Variants in CDH19 observed in about 807,000 individuals in gnomAD.
CDH19 encodes cadherin 19, also known as cadherin-19.
CDH19 carries 67 observed loss-of-function variants against 64.2 expected under a neutral mutation model. The ratio of observed to expected loss-of-function variants is 1.04; its 90% CI spans 0.86 to 1.28. CDH19 has a LOEUF of 1.28. Among genes scored for constraint, CDH19 ranks in the 50% most tolerant of loss-of-function variants. CDH19 has a pLI of 0.00. For missense variants in CDH19, 1,030 were observed against 929.0 expected (o/e 1.11, Z -1.41); for synonymous variants, 346 against 319.3 (o/e 1.08, Z -0.89).
At chr18:66,575,810 T>C (rs556751135) in intron 1 of CDH19, among the ~76,000 whole-genome samples, 2 of 151,890 alleles carry the variant, frequency 1.3e-5, no homozygotes, top group African/African-American at 4.8e-5. Flanking sequence ...TAGAAAGACC[T>C]TCTTTAAATT....
chr18:66,534,031 G>GA (rs1297453421), intron 8 of CDH19, among the ~76,000 whole-genome samples: 3 of 148,892 alleles, frequency 2.0e-5, no homozygotes, highest in South Asian at 2.1e-4. Context: ...GTTAGAGAAA[G>GA]AAAAAAAATG....
Position 66,572,349 on chromosome 18 carries a change from T to C in CDH19, c.-112-33A>G, listed in dbSNP as rs1988134482. The C allele has an allele frequency of 1.4e-5, 7 of 505,174 alleles. No individual in the cohort carries two copies. In the South Asian group the frequency reaches 3.3e-4, roughly 24 times the overall value. 31.3% of individuals were successfully genotyped at this position (505,174 alleles called of 1,614,324 possible). A position where few individuals can be genotyped will look rare whatever the true frequency, so the allele number is the denominator to read the frequency against. ...GTCAGAAACAAAACAAAATTTGACATTTTAAAATAACATTTTCTCACATAA... is the reference window on the plus strand; with the variant it reads ...GTCAGAAACAAAACAAAATTTGACACTTTAAAATAACATTTTCTCACATAA... On this transcript the variant is annotated intron_variant, in intron 1 of 11. Transcript: ENST00000262150.
At chr18:66,562,478 C>T (rs572941092) in intron 3 of CDH19, among the ~76,000 whole-genome samples, 10 of 151,900 alleles carry the variant, frequency 6.6e-5, no homozygotes, top group South Asian at 2.1e-4. Context: ...CCATGAGGAG[C>T]GGCTGTAAAT....
intron 7 of CDH19, among the ~76,000 whole-genome samples, chr18:66,540,595 T>G (rs1427601154): frequency 6.6e-6 from 1 of 152,140 alleles, no homozygotes; most frequent in Non-Finnish European, 1.5e-5. Context: ...ACTGTTGACT[T>G]CTGTGTCCTT....
chr18:66,584,795 A>T (rs548766559), intron 1 of CDH19, among the ~76,000 whole-genome samples: 1 of 152,228 alleles, frequency 6.6e-6, no homozygotes, highest in African/African-American at 2.4e-5. Flanking sequence ...AACCTGTACA[A>T]TATTTTCATG....
chr18:66,556,795 C>T (rs1453166784), intron 3 of CDH19, among the ~76,000 whole-genome samples: 1 of 151,736 alleles, frequency 6.6e-6, no homozygotes, highest in Non-Finnish European at 1.5e-5. Flanking sequence ...AAATAAATGG[C>T]CAATGGTTAT....
Position 66,504,714 on chromosome 18 carries a change from G to T in CDH19, c.*98C>A. On this transcript the variant is annotated 3_prime_UTR_variant, in exon 12 of 12. Coordinates refer to ENST00000262150, the MANE Select transcript of CDH19 (RefSeq NM_021153.4). ...AAATCAGAAAACTCCATAGACTAGG[G>T]CTTTCCCCGCCATAGAGCCAGGGCA... The T allele has an allele frequency of 7.8e-7, 1 of 1,284,334 alleles. No individual in the cohort carries two copies. Among genetic ancestry groups the T allele is most frequent in the South Asian group, 1.5e-5 (1 of 65,320 alleles). 79.6% of individuals were successfully genotyped at this position (1,284,334 alleles called of 1,614,324 possible). A position where few individuals can be genotyped will look rare whatever the true frequency, so the allele number is the denominator to read the frequency against.
chr18:66,599,233 T>C (rs1217247978), intron 1 of CDH19, among the ~76,000 whole-genome samples: 1 of 152,080 alleles, frequency 6.6e-6, no homozygotes, highest in African/African-American at 2.4e-5. Context: ...TATTATTGCA[T>C]ATTTTGGGGA....
intron 5 of CDH19, among the ~76,000 whole-genome samples, chr18:66,545,327 C>G (rs1987069373): frequency 6.6e-6 from 1 of 151,934 alleles, no homozygotes; most frequent in African/African-American, 2.4e-5. Context: ...CCGTATCTAC[C>G]TTTCCCAGTT....
chr18:66,594,234 C>A (rs574049779), intron 1 of CDH19, among the ~76,000 whole-genome samples: 1 of 152,138 alleles, frequency 6.6e-6, no homozygotes, highest in Admixed American at 6.5e-5. Context: ...TATATATGCA[C>A]CCAACACTGG....
intron 1 of CDH19, among the ~76,000 whole-genome samples, chr18:66,576,874 G>A (rs527851039): frequency 4.6e-5 from 7 of 151,658 alleles, no homozygotes; most frequent in Middle Eastern, 3.4e-3. Context: ...CAGGGTTGGA[G>A]GATACACGGT....
chr18:66,569,754 A>G (rs974463154), intron 2 of CDH19, among the ~76,000 whole-genome samples: 7 of 151,680 alleles, frequency 4.6e-5, no homozygotes, highest in Admixed American at 2.0e-4. Context: ...AATCATTGTG[A>G]ATCCACATTT....
intron 1 of CDH19, among the ~76,000 whole-genome samples, chr18:66,601,398 C>G (rs935144742): frequency 6.6e-4 from 100 of 151,918 alleles, no homozygotes; most frequent in African/African-American, 2.1e-3. Context: ...AAAATTATCC[C>G]CACTTTAATA....
chr18:66,590,507 T>G (rs1988711670), intron 1 of CDH19, among the ~76,000 whole-genome samples: 1 of 144,622 alleles, frequency 6.9e-6, no homozygotes, highest in South Asian at 2.2e-4. Flanking sequence ...GAAGCCATTT[T>G]CTGGAATACG....
At chr18:66,591,374 C>T (rs980978428) in intron 1 of CDH19, among the ~76,000 whole-genome samples, 1 of 151,850 alleles carries the variant, frequency 6.6e-6, no homozygotes, top group Non-Finnish European at 1.5e-5. Context: ...ATCAAAGGAG[C>T]AGCTCTCAAT....
At chr18:66,518,881 C>T (rs1178602759) in intron 9 of CDH19, among the ~76,000 whole-genome samples, 2 of 151,652 alleles carry the variant, frequency 1.3e-5, no homozygotes, top group Admixed American at 1.3e-4. Context: ...TTTTTAAAAA[C>T]CTGCATTTTG....
At chr18:66,554,330 C>T (rs1987439556) in intron 4 of CDH19, 75 bp downstream of exon 4, 1 of 1,477,358 alleles carries the variant, frequency 6.8e-7, no homozygotes, top group Admixed American at 1.7e-5. Context: ...AAACATGTTT[C>T]TAAGCAGATA....
At chr18:66,521,439 T>C (rs1430128544) in intron 9 of CDH19, among the ~76,000 whole-genome samples, 2 of 152,174 alleles carry the variant, frequency 1.3e-5, no homozygotes, top group Admixed American at 6.5e-5. Flanking sequence ...TATTCTTGCA[T>C]ATTGAGGACA....
At chr18:66,590,171 G>A (rs1388116012) in intron 1 of CDH19, among the ~76,000 whole-genome samples, 1 of 151,760 alleles carries the variant, frequency 6.6e-6, no homozygotes, top group African/African-American at 2.4e-5. Flanking sequence ...ACTGATTCAT[G>A]AGCTGGGTAT....
Sources: gnomAD v4.1 joint callset for allele counts (sites outside exome capture counted in the v4.1 genomes callset) on GRCh38, gnomAD v4.1.1 for gene constraint, MANE v1.5 for transcripts, NCBI Gene and HGNC (gene_info 2026-07-23, HGNC 2026-07-21) for gene names.